ETNK1: variants seen among roughly 807,000 people sequenced by gnomAD.
ETNK1 encodes putative protein product of Nbla10396.
A neutral mutation model predicts 45.1 loss-of-function variants in ETNK1; 8 were observed. That is an observed-to-expected ratio of 0.18 (90% CI 0.10 to 0.32). The LOEUF (loss-of-function observed/expected upper bound fraction) is 0.32. ETNK1 is among the 10% of genes least tolerant of loss of function. The probability of loss-of-function intolerance (pLI) is 1.00; values close to 1 mark genes in which losing one functional copy is unlikely to be tolerated. For synonymous variants in ETNK1, 152 were observed against 151.9 expected (o/e 1.00, Z -0.01); for missense variants, 302 against 430.6 (o/e 0.70, Z 2.64).
intron 2 of ETNK1, among the ~76,000 whole-genome samples, chr12:22,648,278 G>C (rs575129937): frequency 9.2e-5 from 14 of 151,992 alleles, no homozygotes; most frequent in African/African-American, 2.6e-4. Flanking sequence ...CATTCTGTGG[G>C]TTTGGGCAAA....
At position 22,687,886 on chromosome 12, in the gene ETNK1, C is replaced by CA. The variant is rs1328360644; in HGVS notation, c.*2933dup. On this transcript the variant is annotated 3_prime_UTR_variant, in exon 8 of 8. Coordinates refer to ENST00000266517, the MANE Select transcript of ETNK1 (RefSeq NM_018638.5). ...AAAATAGCCAACAGTTGTGGCTACA[C>CA]AGTGAGATCACAGGAACTGGAAATA... is the stretch of plus-strand genomic sequence containing the variant. 6.6e-6 allele frequency: 1 copy of CA among 152,274 alleles called. No homozygotes were observed. Among genetic ancestry groups the CA allele is most frequent in the Non-Finnish European group, 1.5e-5 (1 of 67,768 alleles). 9.4% of individuals were successfully genotyped at this position (152,274 alleles called of 1,614,324 possible).
chr12:22,652,041 C>G (rs1019585957), intron 2 of ETNK1, among the ~76,000 whole-genome samples: 1 of 152,074 alleles, frequency 6.6e-6, no homozygotes, highest in African/African-American at 2.4e-5. Flanking sequence ...CCCTGGCAAC[C>G]GTCATCTACT....
intron 4 of ETNK1, among the ~76,000 whole-genome samples, chr12:22,664,407 T>C (rs1305114835): frequency 6.6e-6 from 1 of 151,938 alleles, no homozygotes; most frequent in African/African-American, 2.4e-5. Flanking sequence ...ACTTGAGAGA[T>C]TAATTTAGAT....
chr12:22,644,735 C>G (rs1953785106), intron 2 of ETNK1: 1 of 152,030 alleles, frequency 6.6e-6, no homozygotes, highest in African/African-American at 2.4e-5. Context: ...AAGTACATGT[C>G]CTGTTAGCTA....
chr12:22,670,926 A>C (rs543373896), intron 4 of ETNK1, among the ~76,000 whole-genome samples: 4 of 152,372 alleles, frequency 2.6e-5, no homozygotes, highest in Admixed American at 6.5e-5. Context: ...GATAAAAATT[A>C]TGTTTCTAAT....
In ETNK1 at chr12:22,644,042, T is replaced by A. The variant is rs1452227801; in HGVS notation, c.416+20T>A. 6.9e-7 allele frequency: 1 copy of A among 1,450,452 alleles called. No homozygotes were observed. The highest frequency in any genetic ancestry group is 2.6e-5 in the Admixed American group (1 of 39,096). 89.8% of individuals were successfully genotyped at this position (1,450,452 alleles called of 1,614,324 possible). ...TTTCAGGTACATTTTCTTTTCTGAATTTTTCCTTTTGAAAAATAGGGCATT... is the reference window on the plus strand; with the variant it reads ...TTTCAGGTACATTTTCTTTTCTGAAATTTTCCTTTTGAAAAATAGGGCATT... On this transcript the variant is annotated intron_variant, in intron 2 of 7. Transcript: ENST00000266517.
intron 6 of ETNK1, among the ~76,000 whole-genome samples, chr12:22,682,671 C>G (rs1406235549): frequency 6.6e-6 from 1 of 152,078 alleles, no homozygotes; most frequent in Non-Finnish European, 1.5e-5. Flanking sequence ...TGGCTTTTTA[C>G]TGTTATTGTG....
chr12:22,681,763 C>A (rs1281517137), intron 6 of ETNK1, among the ~76,000 whole-genome samples: 2 of 151,992 alleles, frequency 1.3e-5, no homozygotes, highest in Non-Finnish European at 2.9e-5. Flanking sequence ...TCTTTAATGT[C>A]TGGTTTAATG....
intron 2 of ETNK1, among the ~76,000 whole-genome samples, chr12:22,655,537 A>G (rs566097065): frequency 6.6e-6 from 1 of 151,996 alleles, no homozygotes; most frequent in African/African-American, 2.4e-5. Flanking sequence ...GGGTTTTGCC[A>G]TGTTGGCCAG....
Position 22,686,256 on chromosome 12 carries a change from A to C in ETNK1, c.*1302A>C, listed in dbSNP as rs368140470. 8.5e-5 allele frequency: 13 copies of C among 152,468 alleles called. No homozygotes were observed. Among genetic ancestry groups the C allele is most frequent in the African/African-American group, 3.1e-4 (13 of 41,548 alleles). 9.4% of individuals were successfully genotyped at this position (152,468 alleles called of 1,614,324 possible). A position where few individuals can be genotyped will look rare whatever the true frequency, so the allele number is the denominator to read the frequency against. ...TATGGAAAGAAGTTAGATCTTTCAGATAGATAAATAGGCTTCAGGTTTTGA... is the reference window on the plus strand; with the variant it reads ...TATGGAAAGAAGTTAGATCTTTCAGCTAGATAAATAGGCTTCAGGTTTTGA... On this transcript the variant is annotated 3_prime_UTR_variant, in exon 8 of 8. Transcript: ENST00000266517.
chr12:22,649,742 G>A (rs1953851385), intron 2 of ETNK1, among the ~76,000 whole-genome samples: 1 of 151,950 alleles, frequency 6.6e-6, no homozygotes, highest in African/African-American at 2.4e-5. Context: ...TTTTAAAATG[G>A]ACTTTTTAAG....
chr12:22,652,815 C>G (rs1367354644), intron 2 of ETNK1, among the ~76,000 whole-genome samples: 1 of 151,856 alleles, frequency 6.6e-6, no homozygotes, highest in Non-Finnish European at 1.5e-5. Context: ...TGATTGTGTC[C>G]TTTGGTGCGT....
At chr12:22,673,383 C>A in intron 5 of ETNK1, 117 bp from the exon 6 acceptor site, 1 of 664,830 alleles carries the variant, frequency 1.5e-6, no homozygotes, top group East Asian at 2.8e-5. Context: ...ATGCAGTATT[C>A]CAGCCAAAAT....
chr12:22,628,887 A>G lies in ETNK1; in HGVS notation c.156+3301A>G, dbSNP rs182961022. Among the ~76,000 whole-genome samples, 619 of 152,236 alleles carry G rather than the reference A, an allele frequency of 4.1e-3. 5 individuals are homozygous for G. Among genetic ancestry groups the G allele is most frequent in the African/African-American group, 0.014 (595 of 41,582 alleles). ...GGGTCTAAATGAGATTGCTTGCTAT[A>G]TGGTACCTTATAGCAACTTAGCTTT... On this transcript the variant is annotated intron_variant, in intron 1 of 7. Coordinates refer to ENST00000266517, the MANE Select transcript of ETNK1 (RefSeq NM_018638.5).
At chr12:22,676,705 CTG>C (rs1592136600) in intron 6 of ETNK1, among the ~76,000 whole-genome samples, 1 of 152,240 alleles carries the variant, frequency 6.6e-6, no homozygotes, top group Non-Finnish European at 1.5e-5. Flanking sequence ...ACCATTCTAA[CTG>C]GCGTGAAATG....
Position 22,672,482 on chromosome 12 carries a change from T to C in ETNK1, c.785-1018T>C, listed in dbSNP as rs900488470. ...ATTTTGGACTACCAAGCTTATCATA[T>C]ACATATAAGCTGTACATATTTTTAC... On this transcript the variant is annotated intron_variant, in intron 5 of 7. Coordinates refer to ENST00000266517, the MANE Select transcript of ETNK1 (RefSeq NM_018638.5). Among the ~76,000 whole-genome samples the C allele has an allele frequency of 5.3e-5, 8 of 152,202 alleles. No individual in the cohort carries two copies. The East Asian group carries it at 9.6e-4, about 18-fold the overall frequency.
chr12:22,670,315 G>A (rs533425179), intron 4 of ETNK1, among the ~76,000 whole-genome samples: 12 of 151,252 alleles, frequency 7.9e-5, no homozygotes, highest in Non-Finnish European at 1.3e-4. Context: ...TTAACTCCAC[G>A]CCCCTGTAAG....
intron 1 of ETNK1, among the ~76,000 whole-genome samples, chr12:22,629,928 T>A (rs10842039): frequency 0.29 from 44,086 of 152,062 alleles, 6,707 homozygotes; most frequent in Non-Finnish European, 0.33. Flanking sequence ...AAGTATATAA[T>A]GTTTAATAGA....
In ETNK1 at chr12:22,643,963, T is replaced by C. The variant is rs1172160589; in HGVS notation, c.357T>C (p.Tyr119=). Residue 119 remains tyrosine, a synonymous_variant, in exon 2 of 8, where the codon TAT becomes TAC. Coordinates refer to ENST00000266517, the MANE Select transcript of ETNK1 (RefSeq NM_018638.5). ...GTACCTTCAATAATGGACTATGCTATGAATTTATACAAGGAGAAGCACTGG... is the reference window on the plus strand; with the variant it reads ...GTACCTTCAATAATGGACTATGCTACGAATTTATACAAGGAGAAGCACTGG... ...LYCTFNNGLC[Y]EFIQGEALDP... 2 of 1,613,172 alleles carry C rather than the reference T, an allele frequency of 1.2e-6. No individual in the cohort carries two copies.
Sources: allele counts gnomAD v4.1 joint callset (sites outside exome capture counted in the v4.1 genomes callset), GRCh38; gene constraint gnomAD v4.1.1; transcripts MANE v1.5; gene names NCBI Gene and HGNC (gene_info 2026-07-23, HGNC 2026-07-21).